The following CFHR4 variants were observed in gnomAD, a reference collection of about 807,000 sequenced individuals.
CFHR4 encodes the protein complement factor H related 4.
CFHR4 carries 64 observed loss-of-function variants against 69.3 expected under a neutral mutation model. The ratio of observed to expected loss-of-function variants is 0.92; its 90% CI spans 0.76 to 1.14. The LOEUF is 1.14. Among genes scored for constraint, CFHR4 ranks in the 50% most tolerant of loss-of-function variants. CFHR4 has a pLI of 0.00. For missense variants in CFHR4, 636 were observed against 684.9 expected (o/e 0.93, Z 0.80); for synonymous variants, 244 against 237.0 (o/e 1.03, Z -0.27).
chr1:196,898,493 T>C (rs944728650), intron 1 of CFHR4, among the ~76,000 whole-genome samples: 1 of 151,656 alleles, frequency 6.6e-6, no homozygotes, highest in African/African-American at 2.4e-5. Flanking sequence ...AAATTCTCTT[T>C]AATGTTTGCT....
chr1:196,908,863 T>C (rs1658072217), intron 5 of CFHR4, among the ~76,000 whole-genome samples: 1 of 151,492 alleles, frequency 6.6e-6, no homozygotes, highest in Admixed American at 6.6e-5. Flanking sequence ...GACTCATTTC[T>C]TTTATTTTGA....
In CFHR4 at chr1:196,910,391, G is replaced by A. The variant is rs1198550633; in HGVS notation, c.910G>A (p.Asp304Asn). 6.2e-7 allele frequency: 1 copy of A among 1,612,442 alleles called. No individual in the cohort carries two copies. ...ATGQSYSYYC[D>N]QNFVTPSGSY... ...AGGACAATCTTACTCCTATTACTGT[G>A]ACCAAAATTTTGTGACTCCTTCAGG... Residue 304 changes from aspartate (D) to asparagine (N), a missense_variant, in exon 6 of 10, where the codon GAC (aspartate) becomes AAC (asparagine). By Grantham distance (23) the Asp-to-Asn change is conservative (BLOSUM62 1). This residue lies in a region of CFHR4 where 529 missense variants were observed against 533.2 expected (regional missense o/e 0.99). Transcript: ENST00000608469.
chr1:196,910,795 G>A (rs1012236903), intron 6 of CFHR4, among the ~76,000 whole-genome samples: 4 of 151,386 alleles, frequency 2.6e-5, no homozygotes, highest in African/African-American at 9.7e-5. Context: ...TCAGTGATAC[G>A]TCATTTTTGT....
chr1:196,913,827 G>C (rs1350753898), intron 7 of CFHR4, among the ~76,000 whole-genome samples: 3 of 151,210 alleles, frequency 2.0e-5, no homozygotes, highest in African/African-American at 7.3e-5. Flanking sequence ...GGCTAAGTGA[G>C]AAAAAAGAAA....
rs1259078779 is a variant in CFHR4 at position 196,914,673 on chromosome 1, T to C, written c.1357+2T>C. 10 of 1,592,786 alleles carry C rather than the reference T, an allele frequency of 6.3e-6. 1 individual carries two copies. Among genetic ancestry groups the C allele is most frequent in the Middle Eastern group, 1.7e-4 (1 of 5,992 alleles). On this transcript the variant is annotated splice_donor_variant, in intron 8 of 9. Transcript: ENST00000608469. LOFTEE classifies it high-confidence loss of function. ...GGTCCCATTTCCCAACATGTTATAG[T>C]AAGTATTTTATTCAAGTATTTTTTA...
At chr1:196,904,836 G>A (rs1657821660) in intron 2 of CFHR4, among the ~76,000 whole-genome samples, 1 of 151,596 alleles carries the variant, frequency 6.6e-6, no homozygotes, top group Non-Finnish European at 1.5e-5. Flanking sequence ...TAATTATAGG[G>A]AATTGAGAGT....
At chr1:196,897,118 G>A (rs1461768586) in intron 1 of CFHR4, among the ~76,000 whole-genome samples, 2 of 151,568 alleles carry the variant, frequency 1.3e-5, no homozygotes, top group African/African-American at 4.9e-5. Flanking sequence ...GAAAAGGACT[G>A]AACTGGTGAA....
At chr1:196,916,619 T>G (rs924161607) in intron 9 of CFHR4, among the ~76,000 whole-genome samples, 10 of 151,838 alleles carry the variant, frequency 6.6e-5, no homozygotes, top group Admixed American at 3.3e-4. Context: ...AAGAAATTAG[T>G]ATCCTCAAAT....
chr1:196,903,326 T>A (rs1336161475), intron 2 of CFHR4, among the ~76,000 whole-genome samples: 1 of 151,174 alleles, frequency 6.6e-6, no homozygotes, highest in Non-Finnish European at 1.5e-5. Context: ...ATTAGTGGAT[T>A]CTGTCACTTA....
chr1:196,907,107 C>CATAT, intron 4 of CFHR4, 70 bp downstream of exon 4: 35 of 1,333,626 alleles, frequency 2.6e-5, no homozygotes, highest in Non-Finnish European at 3.4e-5. Flanking sequence ...TGTATATGTA[C>CATAT]ACATATGTGT....
At chr1:196,912,715 T>G in intron 6 of CFHR4, 25 bp from the exon 7 acceptor site, 1 of 1,552,498 alleles carries the variant, frequency 6.4e-7, no homozygotes, top group Non-Finnish European at 8.7e-7. Flanking sequence ...AATATTTACT[T>G]TTTTCTCTAC....
chr1:196,895,685 C>T (rs1293347917), intron 1 of CFHR4, among the ~76,000 whole-genome samples: 1 of 151,180 alleles, frequency 6.6e-6, no homozygotes, highest in African/African-American at 2.4e-5. Flanking sequence ...TCACATCTTT[C>T]TTTACTTCTT....
intron 6 of CFHR4, among the ~76,000 whole-genome samples, chr1:196,910,790 G>A (rs1658220770): frequency 6.6e-6 from 1 of 151,458 alleles, no homozygotes; most frequent in Non-Finnish European, 1.5e-5. Flanking sequence ...TTCCTTCAGT[G>A]ATACGTCATT....
chr1:196,894,364 T>A (rs527820984), intron 1 of CFHR4, among the ~76,000 whole-genome samples: 1 of 151,714 alleles, frequency 6.6e-6, no homozygotes, highest in South Asian at 2.1e-4. Context: ...AATGCTAGCC[T>A]TTTTAAATTG....
At position 196,918,273 on chromosome 1, in the gene CFHR4, A is replaced by G. The variant is rs1174954904; in HGVS notation, c.1604A>G (p.Asp535Gly). The change falls in exon 10 of 10, where the codon GAC (aspartate) becomes GGC (glycine). Residue 535 changes from aspartate (D) to glycine (G), a missense_variant. Physicochemically the swap from Asp to Gly is moderately conservative, Grantham distance 94. Transcript: ENST00000608469. ...KNNIQLKGKS[D>G]IKYYAKTGDT... ...AACATACAGTTAAAAGGAAAAAGTG[A>G]CATAAAATATTATGCAAAAACAGGG... 6.2e-7 allele frequency: 1 copy of G among 1,608,276 alleles called. No individual in the cohort carries two copies. Among genetic ancestry groups the G allele is most frequent in the Non-Finnish European group, 8.5e-7 (1 of 1,175,996 alleles).
In CFHR4 at chr1:196,906,975, G is replaced by C; in HGVS notation, c.554G>C (p.Gly185Ala). 1 of 1,612,596 alleles carries C rather than the reference G, an allele frequency of 6.2e-7. No homozygotes were observed. Among genetic ancestry groups the C allele is most frequent in the African/African-American group, 1.3e-5 (1 of 74,530 alleles). ...TATGATGGATATGAAAGCAGTTATG[G>C]AAACACCACAGATTCCATAGTGTGT... ...ECYDGYESSYGNTTDSIVCGE... is the reference protein window; with the variant it reads ...ECYDGYESSYANTTDSIVCGE... Residue 185 changes from glycine to alanine, a missense_variant, in exon 4 of 10, where the codon GGA (glycine) becomes GCA (alanine). This residue lies in a region of CFHR4 where 529 missense variants were observed against 533.2 expected (regional missense o/e 0.99). Transcript: ENST00000608469.
intron 1 of CFHR4, among the ~76,000 whole-genome samples, chr1:196,894,889 AAAC>A (rs56866921): frequency 1.3e-5 from 2 of 148,954 alleles, no homozygotes; most frequent in Admixed American, 1.3e-4. Flanking sequence ...CTGTCTCTAA[AAAC>A]AACAACAACA....
At chr1:196,892,764 A>C (rs972417296) in intron 1 of CFHR4, among the ~76,000 whole-genome samples, 3 of 151,672 alleles carry the variant, frequency 2.0e-5, no homozygotes, top group African/African-American at 7.3e-5. Flanking sequence ...AAATGCCTTT[A>C]TTATTTATCT....
chr1:196,901,757 AT>A (rs935234163), intron 1 of CFHR4, among the ~76,000 whole-genome samples: 6 of 151,452 alleles, frequency 4.0e-5, no homozygotes, highest in Non-Finnish European at 7.4e-5. Flanking sequence ...ACTGTAAAAA[AT>A]ATTGTATATA....
Sources: gnomAD v4.1 joint callset for allele counts (sites outside exome capture counted in the v4.1 genomes callset) on GRCh38, gnomAD v4.1.1 for gene constraint, gnomAD v4.1.1 regional missense constraint, MANE v1.5 for transcripts, NCBI Gene and HGNC (gene_info 2026-07-23, HGNC 2026-07-21) for gene names.